Variants in DLGAP2 observed in about 807,000 individuals in gnomAD.
DLGAP2 encodes disks large-associated protein 2.
A neutral mutation model predicts 100.3 loss-of-function variants in DLGAP2; 26 were observed. The observed-to-expected ratio is 0.26, with a 90% CI of 0.19 to 0.36. The LOEUF (loss-of-function observed/expected upper bound fraction) is 0.36. Among genes scored for constraint, DLGAP2 ranks in the 10% least tolerant of loss-of-function variants. DLGAP2 has a pLI of 1.00. For synonymous variants in DLGAP2, 886 were observed against 630.1 expected (o/e 1.41, Z -6.08); for missense variants, 1,858 against 1,453.2 (o/e 1.28, Z -4.53).
intron 2 of DLGAP2, among the ~76,000 whole-genome samples, chr8:1,171,897 T>G (rs1238805138): frequency 6.6e-6 from 1 of 152,294 alleles, no homozygotes; most frequent in African/African-American, 2.4e-5. Context: ...AAAGTTAATA[T>G]TGTTATGTGT....
chr8:1,254,948 T>TGCTGTGTGTGTGCCCTCTCCTGCCCGGGC (rs1799143573), intron 2 of DLGAP2, among the ~76,000 whole-genome samples: 6 of 125,538 alleles, frequency 4.8e-5, no homozygotes, highest in African/African-American at 1.5e-4. Context: ...CCTGCCCGGG[T>TGCTGTGTGTGTGCCCTCTCCTGCCCGGGC]GCTGTGTGTG....
chr8:1,266,127 G>A (rs1418571165), intron 3 of DLGAP2, among the ~76,000 whole-genome samples: 1 of 152,252 alleles, frequency 6.6e-6, no homozygotes, highest in South Asian at 2.1e-4. Flanking sequence ...GAAAAGCAGA[G>A]ACGCTCTGAA....
intron 4 of DLGAP2, among the ~76,000 whole-genome samples, chr8:1,527,926 A>C (rs546570594): frequency 6.6e-6 from 1 of 152,352 alleles, no homozygotes; most frequent in East Asian, 1.9e-4. Context: ...ATCTGCAAAA[A>C]AAAAAAAGTT....
intron 2 of DLGAP2, among the ~76,000 whole-genome samples, chr8:1,084,528 C>T (rs1389842006): frequency 1.3e-5 from 2 of 152,166 alleles, no homozygotes; most frequent in Admixed American, 1.3e-4. Context: ...CACCATTTCT[C>T]CCTCCCCACA....
chr8:886,536 C>T lies in DLGAP2; in HGVS notation c.19-21376C>T, dbSNP rs1584862882. Among the ~76,000 whole-genome samples the T allele has an allele frequency of 2.6e-5, 4 of 152,302 alleles. No homozygotes were observed. The South Asian group carries it at 8.3e-4, about 32-fold the overall frequency. ...GCTATAAATGTCCCTCTTAACACTGCTTTAGCTGTGTCTCAGAGATTCTGA... is the reference window on the plus strand; with the variant it reads ...GCTATAAATGTCCCTCTTAACACTGTTTTAGCTGTGTCTCAGAGATTCTGA... On this transcript the variant is annotated intron_variant, in intron 1 of 14. Coordinates refer to ENST00000637795, the MANE Select transcript of DLGAP2 (RefSeq NM_001346810.2).
intron 3 of DLGAP2, among the ~76,000 whole-genome samples, chr8:1,332,515 G>C (rs997447691): frequency 6.6e-6 from 1 of 152,114 alleles, no homozygotes; most frequent in African/African-American, 2.4e-5. Flanking sequence ...ATATCTGCAC[G>C]TGTGTGTCAT....
chr8:737,649 CGAGCGCGGTCT>C lies in DLGAP2; in HGVS notation c.-151_-141del. ...GTGAAGACCGACCGTGCGCCGGGCT[CGAGCGCGGTCT>C]GAGCGCGCGGCGCCTGCGGCGGCGA... On this transcript the variant is annotated 5_prime_UTR_variant, in exon 1 of 15. Transcript: ENST00000637795. The C allele has an allele frequency of 2.8e-6, 1 of 353,282 alleles. No individual in the cohort carries two copies. Among genetic ancestry groups the C allele is most frequent in the Non-Finnish European group, 5.1e-6 (1 of 197,006 alleles). The allele number at this position is 353,282 out of a possible 1,614,324, so 21.9% of individuals were successfully genotyped here. A position where few individuals can be genotyped will look rare whatever the true frequency, so the allele number is the denominator to read the frequency against.
chr8:1,472,096 C>T (rs79136642), intron 3 of DLGAP2, among the ~76,000 whole-genome samples: 2,461 of 152,290 alleles, frequency 0.016, 63 homozygotes, highest in African/African-American at 0.056. Flanking sequence ...AGACAGAGGG[C>T]CTGAGGCGTA....
rs548198340 is a variant in DLGAP2, at chr8:1,140,578, T to C, written c.74-118273T>C. ...GGGAGCTGACTTATCAGAGGCCCCA[T>C]AGGGCTCTGGCCCTGACCCTCCCTT... On this transcript the variant is annotated intron_variant, in intron 2 of 14. Transcript: ENST00000637795. 7.2e-5 allele frequency among the ~76,000 whole-genome samples: 11 copies of C among 152,194 alleles called. No individual in the cohort carries two copies. In the East Asian group the frequency reaches 7.8e-4, roughly 11 times the overall value.
chr8:915,162 G>T (rs989209873), intron 2 of DLGAP2, among the ~76,000 whole-genome samples: 12 of 152,210 alleles, frequency 7.9e-5, no homozygotes, highest in African/African-American at 2.7e-4. Context: ...GCCCTGTCTT[G>T]AAGACGTCTT....
At chr8:766,449 TC>T (rs1239277379) in intron 1 of DLGAP2, among the ~76,000 whole-genome samples, 1 of 152,222 alleles carries the variant, frequency 6.6e-6, no homozygotes, top group Non-Finnish European at 1.5e-5. Context: ...CTTTCTAATG[TC>T]CTCCGGAATT....
At chr8:1,572,672 G>T (rs1462758457) in intron 6 of DLGAP2, among the ~76,000 whole-genome samples, 1 of 120,254 alleles carries the variant, frequency 8.3e-6, no homozygotes, top group Non-Finnish European at 1.7e-5. Flanking sequence ...GCATCTTCTG[G>T]GATGGAGAGG....
chr8:1,108,942 C>T (rs1804866996), intron 2 of DLGAP2, among the ~76,000 whole-genome samples: 2 of 120,032 alleles, frequency 1.7e-5, no homozygotes, highest in African/African-American at 6.6e-5. Flanking sequence ...GTGCATAGGT[C>T]TGTGACGTGC....
chr8:1,208,434 A>G (rs1477695850), intron 2 of DLGAP2, among the ~76,000 whole-genome samples: 1 of 152,240 alleles, frequency 6.6e-6, no homozygotes, highest in Non-Finnish European at 1.5e-5. Context: ...GCATCACTTT[A>G]TGATTAAAAC....
intron 2 of DLGAP2, among the ~76,000 whole-genome samples, chr8:1,231,180 A>T (rs1798527321): frequency 6.6e-6 from 1 of 152,224 alleles, no homozygotes. Context: ...ATTGGACAAA[A>T]GACATAAACA....
chr8:1,407,042 C>T (rs80346123), intron 3 of DLGAP2, among the ~76,000 whole-genome samples: 1 of 24,014 alleles, frequency 4.2e-5, no homozygotes, highest in Non-Finnish European at 6.6e-5. Flanking sequence ...GCTTACTGAG[C>T]GCCACCTCCT....
intron 8 of DLGAP2, among the ~76,000 whole-genome samples, chr8:1,663,267 CT>C (rs1164647029): frequency 6.6e-6 from 1 of 152,042 alleles, no homozygotes; most frequent in Non-Finnish European, 1.5e-5. Context: ...TCCAAGGTGA[CT>C]TTTCTTTCTC....
chr8:1,146,144 G>T (rs1479584238), intron 2 of DLGAP2, among the ~76,000 whole-genome samples: 2 of 152,276 alleles, frequency 1.3e-5, no homozygotes, highest in African/African-American at 4.8e-5. Context: ...CATCTCTGCA[G>T]CCACGAGGGT....
At chr8:1,558,653 A>G (rs1441033252) in intron 5 of DLGAP2, among the ~76,000 whole-genome samples, 1 of 151,890 alleles carries the variant, frequency 6.6e-6, no homozygotes, top group African/African-American at 2.4e-5. Context: ...ATACATAAAC[A>G]CACATATGCA....
Sources: allele counts gnomAD v4.1 joint callset (sites outside exome capture counted in the v4.1 genomes callset), GRCh38; gene constraint gnomAD v4.1.1; transcripts MANE v1.5; gene names NCBI Gene and HGNC (gene_info 2026-07-23, HGNC 2026-07-21).